The following CCDC68 variants were observed in gnomAD, a reference collection of about 807,000 sequenced individuals.
CCDC68 encodes coiled-coil domain containing 68.
A neutral mutation model predicts 47.1 loss-of-function variants in CCDC68; 45 were observed. That is an observed-to-expected ratio of 0.96 (90% CI 0.75 to 1.23). CCDC68 has a LOEUF of 1.23. CCDC68 is among the 50% of genes most tolerant of loss of function. The pLI is 0.00. For synonymous variants in CCDC68, 131 were observed against 129.5 expected (o/e 1.01, Z -0.08); for missense variants, 353 against 373.6 (o/e 0.94, Z 0.45).
At chr18:54,911,784 T>C (rs1309751968) in intron 10 of CCDC68, among the ~76,000 whole-genome samples, 3 of 152,228 alleles carry the variant, frequency 2.0e-5, no homozygotes, top group Non-Finnish European at 4.4e-5. Flanking sequence ...TACTTAGGTT[T>C]TCCCCAGAAT....
chr18:54,933,299 C>A (rs187312899), intron 7 of CCDC68, among the ~76,000 whole-genome samples: 11 of 152,126 alleles, frequency 7.2e-5, no homozygotes, highest in Admixed American at 7.2e-4. Flanking sequence ...CCAGGATGGT[C>A]TCGATCTCTT....
chr18:54,917,276 G>T (rs986246903), intron 10 of CCDC68, among the ~76,000 whole-genome samples: 16 of 152,286 alleles, frequency 1.1e-4, no homozygotes, highest in African/African-American at 3.8e-4. Flanking sequence ...GGCCAGGATG[G>T]ATGTGAATGA....
At chr18:54,937,300 C>T (rs1002975266) in intron 5 of CCDC68, 1 of 186,516 alleles carries the variant, frequency 5.4e-6, no homozygotes, top group African/African-American at 2.4e-5. Flanking sequence ...TCATTAATGT[C>T]CATAACACTA....
intron 8 of CCDC68, 118 bp from the exon 9 acceptor site, chr18:54,919,494 A>G: frequency 1.2e-6 from 1 of 828,006 alleles, no homozygotes; most frequent in Non-Finnish European, 2.0e-6. Context: ...GTTGGGTAAG[A>G]CCCCGGGGCC....
chr18:54,938,732 A>G (rs768724811), intron 4 of CCDC68, among the ~76,000 whole-genome samples: 1 of 152,262 alleles, frequency 6.6e-6, no homozygotes, highest in Non-Finnish European at 1.5e-5. Flanking sequence ...CCAGGGCCCA[A>G]GTTTATGCAG....
intron 1 of CCDC68, among the ~76,000 whole-genome samples, chr18:54,958,825 C>T (rs548194180): frequency 7.0e-4 from 106 of 152,302 alleles, no homozygotes; most frequent in Non-Finnish European, 1.4e-3. Flanking sequence ...CAATGGGCTG[C>T]TCTTTTTACT....
intron 2 of CCDC68, among the ~76,000 whole-genome samples, chr18:54,944,449 A>G (rs1363562511): frequency 6.6e-6 from 1 of 152,232 alleles, no homozygotes; most frequent in East Asian, 1.9e-4. Flanking sequence ...TACTATTTGA[A>G]TAAGACACAA....
intron 10 of CCDC68, among the ~76,000 whole-genome samples, chr18:54,911,913 T>C (rs1914391940): frequency 6.6e-6 from 1 of 152,244 alleles, no homozygotes; most frequent in Admixed American, 6.5e-5. Context: ...CTACCAGATT[T>C]AGGCATTTAG....
intron 1 of CCDC68, among the ~76,000 whole-genome samples, chr18:54,952,037 T>C (rs1015403274): frequency 1.3e-5 from 2 of 152,228 alleles, no homozygotes; most frequent in African/African-American, 4.8e-5. Flanking sequence ...TAATATTAAA[T>C]CATAATGTTT....
chr18:54,936,570 G>A (rs2044352690), intron 6 of CCDC68, among the ~76,000 whole-genome samples: 1 of 152,090 alleles, frequency 6.6e-6, no homozygotes, highest in Non-Finnish European at 1.5e-5. Flanking sequence ...TTTCCAGGCA[G>A]GGTGGCACTG....
At chr18:54,938,535 A>G (rs13381346) in intron 4 of CCDC68, among the ~76,000 whole-genome samples, 3,086 of 152,354 alleles carry the variant, frequency 0.02, 115 homozygotes, top group African/African-American at 0.069. Flanking sequence ...ATTACCTCAT[A>G]TTAAATTTCC....
intron 10 of CCDC68, among the ~76,000 whole-genome samples, chr18:54,910,902 C>T (rs1239394089): frequency 3.9e-5 from 6 of 152,186 alleles, no homozygotes; most frequent in Non-Finnish European, 8.8e-5. Context: ...CAGGCACTTC[C>T]GAGCCTGCAA....
chr18:54,910,643 C>A (rs1914303975), intron 10 of CCDC68, among the ~76,000 whole-genome samples: 1 of 152,224 alleles, frequency 6.6e-6, no homozygotes, highest in South Asian at 2.1e-4. Flanking sequence ...TTCATAGCAC[C>A]CAGGCTGTTT....
At chr18:54,956,518 C>T (rs1254626529) in intron 1 of CCDC68, among the ~76,000 whole-genome samples, 3 of 152,210 alleles carry the variant, frequency 2.0e-5, no homozygotes, top group Admixed American at 6.5e-5. Context: ...GCAGAAAGGT[C>T]TACCAAATGG....
At chr18:54,943,791 G>A (rs2145596141) in intron 2 of CCDC68, among the ~76,000 whole-genome samples, 1 of 152,240 alleles carries the variant, frequency 6.6e-6, no homozygotes, top group Middle Eastern at 3.4e-3. Flanking sequence ...ACAGGTAATT[G>A]TGTTAACATC....
chr18:54,942,977 A>G (rs1032726997), intron 2 of CCDC68, 174 bp from the exon 3 acceptor site: 2 of 447,714 alleles, frequency 4.5e-6, no homozygotes, highest in Admixed American at 4.4e-5. Flanking sequence ...ATATAAAGCC[A>G]TATCATCTGA....
chr18:54,936,196 A>T (rs976962992), intron 6 of CCDC68, among the ~76,000 whole-genome samples: 2 of 143,828 alleles, frequency 1.4e-5, no homozygotes, highest in African/African-American at 5.1e-5. Context: ...AAATATATAT[A>T]ATTATTTATA....
intron 1 of CCDC68, among the ~76,000 whole-genome samples, chr18:54,952,023 A>C (rs1290201711): frequency 2.0e-5 from 3 of 152,250 alleles, no homozygotes; most frequent in Admixed American, 2.0e-4. Flanking sequence ...CATGCACATT[A>C]AATTAATATT....
intron 1 of CCDC68, among the ~76,000 whole-genome samples, chr18:54,955,391 A>G (rs994688411): frequency 2.0e-5 from 3 of 152,168 alleles, no homozygotes; most frequent in African/African-American, 7.2e-5. Flanking sequence ...CCCCAAAAGG[A>G]ATTTGCAATT....
Sources: allele counts gnomAD v4.1 joint callset (sites outside exome capture counted in the v4.1 genomes callset), GRCh38; gene constraint gnomAD v4.1.1; transcripts MANE v1.5; gene names NCBI Gene and HGNC (gene_info 2026-07-23, HGNC 2026-07-21).